RNF2: variants seen among roughly 807,000 people sequenced by gnomAD.
RNF2 encodes the protein ring finger protein 2, also known as E3 ubiquitin-protein ligase RING2.
In RNF2, 6 loss-of-function variants were observed where a neutral mutation model predicts 37.2. That is an observed-to-expected ratio of 0.16 (90% CI 0.09 to 0.32). RNF2 has a LOEUF of 0.32. RNF2 is among the 10% of genes least tolerant of loss of function. The probability of loss-of-function intolerance (pLI) is 1.00; values close to 1 mark genes in which losing one functional copy is unlikely to be tolerated. For synonymous variants in RNF2, 133 were observed against 132.7 expected, an observed-to-expected ratio of 1.00 and a Z score of -0.02; for missense variants, 251 against 404.0, an observed-to-expected ratio of 0.62 and a Z score of 3.25.
intron 1 of RNF2, among the ~76,000 whole-genome samples, chr1:185,076,063 G>A (rs1006324539): frequency 1.6e-4 from 25 of 151,702 alleles, no homozygotes; most frequent in African/African-American, 5.8e-4. Flanking sequence ...ATATATTATC[G>A]TTATTGGCCT....
At chr1:185,070,870 T>A (rs1457997562) in intron 1 of RNF2, among the ~76,000 whole-genome samples, 3 of 152,098 alleles carry the variant, frequency 2.0e-5, no homozygotes, top group Non-Finnish European at 4.4e-5. Flanking sequence ...TTTCCTGACC[T>A]CGTGATCCGC....
At chr1:185,064,873 T>G (rs577605150) in intron 1 of RNF2, among the ~76,000 whole-genome samples, 17 of 152,358 alleles carry the variant, frequency 1.1e-4, no homozygotes, top group Admixed American at 1.1e-3. Context: ...CCTTTTCAGG[T>G]TGTTCATTGT....
At chr1:185,067,627 A>G (rs532991004) in intron 1 of RNF2, among the ~76,000 whole-genome samples, 3 of 151,954 alleles carry the variant, frequency 2.0e-5, no homozygotes, top group Admixed American at 6.6e-5. Context: ...TTTGTTTCAT[A>G]GTGCTTAGGG....
chr1:185,097,142 A>G (rs1217130907), intron 4 of RNF2, among the ~76,000 whole-genome samples: 2 of 152,206 alleles, frequency 1.3e-5, no homozygotes, highest in African/African-American at 2.4e-5. Flanking sequence ...CAACTAGAAA[A>G]TGACATTAAT....
Position 185,096,562 on chromosome 1 carries a change from T to G in RNF2, c.465-1510T>G, listed in dbSNP as rs568833031. On this transcript the variant is annotated intron_variant, in intron 4 of 6. Transcript: ENST00000367510. ...TCGTGCTGTATTTGTACTTTTGGGG[T>G]TTTTTTTTTGTTGTTGTTATTTACT... 9.0e-4 allele frequency among the ~76,000 whole-genome samples: 133 copies of G among 147,918 alleles called. 1 individual carries two copies. Among genetic ancestry groups the G allele is most frequent in the Non-Finnish European group, 1.3e-3 (90 of 66,670 alleles).
chr1:185,084,757 A>G (rs1376277553), intron 1 of RNF2, among the ~76,000 whole-genome samples: 1 of 152,228 alleles, frequency 6.6e-6, no homozygotes, highest in Non-Finnish European at 1.5e-5. Context: ...GGATTATAAG[A>G]ATGCATATAG....
At chr1:185,053,929 A>T (rs888532171) in intron 1 of RNF2, among the ~76,000 whole-genome samples, 1 of 151,984 alleles carries the variant, frequency 6.6e-6, no homozygotes, top group Non-Finnish European at 1.5e-5. Context: ...TCATTCTTGG[A>T]TGGATGTTAG....
intron 4 of RNF2, among the ~76,000 whole-genome samples, chr1:185,096,912 C>T (rs967085683): frequency 6.6e-6 from 1 of 150,814 alleles, no homozygotes; most frequent in African/African-American, 2.4e-5. Context: ...TTTGTTCTGG[C>T]AGTAAACATA....
chr1:185,055,366 A>C (rs765261190), intron 1 of RNF2, among the ~76,000 whole-genome samples: 4 of 151,842 alleles, frequency 2.6e-5, no homozygotes, highest in Non-Finnish European at 1.5e-5. Flanking sequence ...GGGGTGATAA[A>C]CCTGTATCGT....
At chr1:185,088,790 G>A (rs1651679279) in intron 2 of RNF2, among the ~76,000 whole-genome samples, 1 of 152,138 alleles carries the variant, frequency 6.6e-6, no homozygotes, top group Non-Finnish European at 1.5e-5. Context: ...AATTTTCCAT[G>A]TGCTAATAAG....
At position 185,062,386 on chromosome 1, in the gene RNF2, A is replaced by G. The variant is rs1650632801; in HGVS notation, c.-3+16737A>G. ...ACATAAAATATATGTGTATATATTCACATATACACATATTTCTCTCTCTTT... is the reference window on the plus strand; with the variant it reads ...ACATAAAATATATGTGTATATATTCGCATATACACATATTTCTCTCTCTTT... On this transcript the variant is annotated intron_variant, in intron 1 of 6. Transcript: ENST00000367510. Among the ~76,000 whole-genome samples the G allele has an allele frequency of 2.0e-5, 3 of 152,270 alleles. No individual in the cohort carries two copies. In the South Asian group the frequency reaches 6.2e-4, roughly 32 times the overall value.
intron 1 of RNF2, among the ~76,000 whole-genome samples, chr1:185,063,506 T>TG (rs1287168783): frequency 2.8e-4 from 42 of 152,328 alleles, no homozygotes; most frequent in Non-Finnish European, 5.7e-4. Context: ...AAACCGAAGT[T>TG]CGCATTTTTT....
chr1:185,070,382 C>A (rs887109273), intron 1 of RNF2, among the ~76,000 whole-genome samples: 1 of 152,174 alleles, frequency 6.6e-6, no homozygotes, highest in African/African-American at 2.4e-5. Flanking sequence ...CTGACTGTCT[C>A]ATTTGTTGTT....
chr1:185,086,784 G>A (rs576014503), intron 1 of RNF2, among the ~76,000 whole-genome samples: 2 of 152,318 alleles, frequency 1.3e-5, no homozygotes, highest in East Asian at 3.9e-4. Context: ...GTGGTTTAAA[G>A]TGCTCTAAAG....
rs545996536 is a variant in RNF2 at position 185,099,671 on chromosome 1, A to C, written c.738-120A>C. 3.8e-5 allele frequency: 30 copies of C among 794,530 alleles called. No individual in the cohort carries two copies. The African/African-American group carries it at 4.7e-4, about 13-fold the overall frequency. The allele number at this position is 794,530 out of a possible 1,614,324, so 49.2% of individuals were successfully genotyped here. A position where few individuals can be genotyped will look rare whatever the true frequency, so the allele number is the denominator to read the frequency against. On this transcript the variant is annotated intron_variant, in intron 5 of 6. Transcript: ENST00000367510. ...AGTAAATTTCTGATATTATTTTGTC[A>C]ATAATTGAGACATTGCCATTTTACT...
At chr1:185,087,384 T>C (rs538863021) in intron 1 of RNF2, among the ~76,000 whole-genome samples, 168 bp from the exon 2 acceptor site, 1 of 152,352 alleles carries the variant, frequency 6.6e-6, no homozygotes, top group African/African-American at 2.4e-5. Context: ...ATTTCATTCA[T>C]GAGGGTGGAG....
At chr1:185,068,395 G>A (rs533402501) in intron 1 of RNF2, among the ~76,000 whole-genome samples, 36 of 152,332 alleles carry the variant, frequency 2.4e-4, no homozygotes, top group South Asian at 6.2e-4. Context: ...TAATGGTATT[G>A]AGATGAGATT....
intron 1 of RNF2, among the ~76,000 whole-genome samples, chr1:185,062,179 C>A (rs1013255544): frequency 1.3e-5 from 2 of 152,100 alleles, no homozygotes; most frequent in Admixed American, 1.3e-4. Context: ...GTTGCTTTTT[C>A]AAAGGCAGCT....
At chr1:185,077,625 G>GGTTTTT (rs1553241127) in intron 1 of RNF2, among the ~76,000 whole-genome samples, 3 of 115,696 alleles carry the variant, frequency 2.6e-5, no homozygotes, top group African/African-American at 9.8e-5. Flanking sequence ...AATTAACTTT[G>GGTTTTT]TTTTTTTTTT....
Sources: allele counts gnomAD v4.1 joint callset (sites outside exome capture counted in the v4.1 genomes callset), GRCh38; gene constraint gnomAD v4.1.1; transcripts MANE v1.5; gene names NCBI Gene and HGNC (gene_info 2026-07-23, HGNC 2026-07-21).